SEMA6D: variants seen among roughly 807,000 people sequenced by gnomAD.
SEMA6D encodes semaphorin 6D, also known as semaphorin-6D.
Under a neutral mutation model 106.6 loss-of-function variants are expected in SEMA6D, and 35 were observed. The observed-to-expected ratio is 0.33, with a 90% CI of 0.25 to 0.44. SEMA6D has a LOEUF of 0.44. SEMA6D is among the 20% of genes least tolerant of loss of function. SEMA6D has a pLI of 1.00. For missense variants in SEMA6D, 1,185 were observed against 1,345.9 expected, an observed-to-expected ratio of 0.88 and a Z score of 1.87; for synonymous variants, 499 against 487.7, an observed-to-expected ratio of 1.02 and a Z score of -0.31.
rs2076858111 is a variant in SEMA6D, at chr15:47,609,824, G to C, written c.-55+8928G>C. ...CTCAGAAGCAATTTTCTCAGCACCT[G>C]CATTTACTTTACTTGAGGCTCCACC... On this transcript the variant is annotated intron_variant, in intron 4 of 19. Transcript: ENST00000558014. 2.6e-5 allele frequency among the ~76,000 whole-genome samples: 4 copies of C among 152,148 alleles called. 1 individual carries two copies. Among genetic ancestry groups the C allele is most frequent in the Admixed American group, 1.3e-4 (2 of 15,276 alleles).
chr15:47,512,973 G>T (rs1639159975), intron 3 of SEMA6D, among the ~76,000 whole-genome samples: 1 of 152,208 alleles, frequency 6.6e-6, no homozygotes, highest in Non-Finnish European at 1.5e-5. Context: ...GGCCTTAACA[G>T]ATACCTTTTG....
intron 3 of SEMA6D, among the ~76,000 whole-genome samples, chr15:47,542,197 T>C (rs2045376385): frequency 6.6e-6 from 1 of 152,134 alleles, no homozygotes; most frequent in Admixed American, 6.6e-5. Context: ...TCCACTATAA[T>C]GTTCAAGAAA....
intron 1 of SEMA6D, among the ~76,000 whole-genome samples, chr15:47,722,661 T>G (rs1343390456): frequency 6.6e-6 from 1 of 152,136 alleles, no homozygotes; most frequent in Non-Finnish European, 1.5e-5. Flanking sequence ...GCCTCATGTT[T>G]GGGTGTGAGT....
intron 4 of SEMA6D, among the ~76,000 whole-genome samples, chr15:47,667,081 C>T (rs1353392503): frequency 6.6e-6 from 1 of 152,190 alleles, no homozygotes; most frequent in African/African-American, 2.4e-5. Flanking sequence ...TTCCGTCAGC[C>T]TCCACGTCTT....
At chr15:47,345,520 G>A (rs1425826990) in intron 1 of SEMA6D, among the ~76,000 whole-genome samples, 4 of 152,012 alleles carry the variant, frequency 2.6e-5, no homozygotes, top group Admixed American at 1.3e-4. Context: ...AAAAAATTTT[G>A]ATTTATACCT....
At position 47,759,750 on chromosome 15, in the gene SEMA6D, T is replaced by C; in HGVS notation, c.-49T>C. 7.6e-7 allele frequency: 1 copy of C among 1,318,474 alleles called. No individual in the cohort carries two copies. Among genetic ancestry groups the C allele is most frequent in the Non-Finnish European group, 1.1e-6 (1 of 910,822 alleles). 81.7% of individuals were successfully genotyped at this position (1,318,474 alleles called of 1,614,324 possible). On this transcript the variant is annotated 5_prime_UTR_variant, in exon 2 of 19. Transcript: ENST00000536845. ...AAACTGCTTCTGTTTTCCAGGTAGC[T>C]CAGTGGCATTTCTGAGCAGGGGCCA...
chr15:47,693,484 GGGA>G (rs2078632625), intron 4 of SEMA6D, among the ~76,000 whole-genome samples: 2 of 152,012 alleles, frequency 1.3e-5, no homozygotes, highest in African/African-American at 4.8e-5. Flanking sequence ...GAAAGTGAAA[GGGA>G]TCACCTATCA....
chr15:47,771,988 A>G lies in SEMA6D; in HGVS notation c.*203A>G, dbSNP rs980623549. The G allele has an allele frequency of 3.4e-6, 2 of 579,718 alleles. No individual in the cohort carries two copies. Among genetic ancestry groups the G allele is most frequent in the Admixed American group, 3.0e-5 (1 of 33,192 alleles). The allele number at this position is 579,718 out of a possible 1,614,324, so 35.9% of individuals were successfully genotyped here. A position where few individuals can be genotyped will look rare whatever the true frequency, so the allele number is the denominator to read the frequency against. ...GCTTCTGTGTACTTGCCTGAAAACAAAGGAAGGTGCTGGTCATTCCATTTC... is the reference window on the plus strand; with the variant it reads ...GCTTCTGTGTACTTGCCTGAAAACAGAGGAAGGTGCTGGTCATTCCATTTC... On this transcript the variant is annotated 3_prime_UTR_variant, in exon 19 of 19. Coordinates refer to ENST00000536845, the MANE Select transcript of SEMA6D (RefSeq NM_001358351.3).
intron 1 of SEMA6D, among the ~76,000 whole-genome samples, chr15:47,278,861 T>G (rs1595615345): frequency 1.4e-5 from 2 of 147,666 alleles, no homozygotes; most frequent in Middle Eastern, 7.0e-3. Context: ...CACCATTTAT[T>G]AAATAGGGAA....
intron 1 of SEMA6D, among the ~76,000 whole-genome samples, chr15:47,746,727 A>T (rs1488497392): frequency 1.3e-5 from 2 of 152,114 alleles, no homozygotes; most frequent in Non-Finnish European, 2.9e-5. Context: ...TGTTCCACAG[A>T]CAGGCTGAGT....
chr15:47,559,920 T>C (rs1371333615), intron 3 of SEMA6D, among the ~76,000 whole-genome samples: 2 of 152,080 alleles, frequency 1.3e-5, no homozygotes, highest in Non-Finnish European at 2.9e-5. Flanking sequence ...AATCTTGGGC[T>C]GAAGTCAAAG....
chr15:47,630,211 A>G (rs771747147), intron 4 of SEMA6D, among the ~76,000 whole-genome samples: 1 of 151,886 alleles, frequency 6.6e-6, no homozygotes, highest in Non-Finnish European at 1.5e-5. Context: ...CCTTGCCAGC[A>G]TCTGTTATCT....
intron 1 of SEMA6D, among the ~76,000 whole-genome samples, chr15:47,275,722 A>G (rs1213325135): frequency 1.3e-5 from 2 of 152,068 alleles, no homozygotes; most frequent in Non-Finnish European, 1.5e-5. Context: ...AATTTAGGCC[A>G]ATTAGTAACC....
chr15:47,543,257 C>T (rs1898114), intron 3 of SEMA6D, among the ~76,000 whole-genome samples: 9,092 of 152,132 alleles, frequency 0.06, 312 homozygotes, highest in South Asian at 0.087. Flanking sequence ...TGTGTGCTCA[C>T]CCAAAGCTCA....
chr15:47,610,670 C>G (rs1566933362), intron 4 of SEMA6D, among the ~76,000 whole-genome samples: 1 of 152,166 alleles, frequency 6.6e-6, no homozygotes, highest in Non-Finnish European at 1.5e-5. Flanking sequence ...ATAATTTAGT[C>G]TTGGTACCAT....
chr15:47,380,300 T>C (rs533633878), intron 1 of SEMA6D, among the ~76,000 whole-genome samples: 1 of 152,334 alleles, frequency 6.6e-6, no homozygotes, highest in Admixed American at 6.5e-5. Context: ...TTCTAATGAC[T>C]CTTTTGCATT....
At chr15:47,560,513 T>C (rs1305483458) in intron 3 of SEMA6D, among the ~76,000 whole-genome samples, 1 of 151,884 alleles carries the variant, frequency 6.6e-6, no homozygotes, top group Non-Finnish European at 1.5e-5. Context: ...GATTATCCAG[T>C]CTGAAGAACA....
At chr15:47,500,323 A>G (rs1168396466) in intron 3 of SEMA6D, among the ~76,000 whole-genome samples, 3 of 152,128 alleles carry the variant, frequency 2.0e-5, no homozygotes, top group African/African-American at 7.2e-5. Flanking sequence ...AAAAAAATAT[A>G]AAGATACCAA....
intron 1 of SEMA6D, among the ~76,000 whole-genome samples, chr15:47,192,555 G>A (rs1038446944): frequency 5.9e-5 from 9 of 152,008 alleles, no homozygotes; most frequent in South Asian, 2.1e-4. Flanking sequence ...TGGGAAAAAA[G>A]CATGTTTATC....
Sources: gnomAD v4.1 joint callset for allele counts (sites outside exome capture counted in the v4.1 genomes callset) on GRCh38, gnomAD v4.1.1 for gene constraint, MANE v1.5 for transcripts, NCBI Gene and HGNC (gene_info 2026-07-23, HGNC 2026-07-21) for gene names.